Variants in LRPAP1 observed in about 807,000 individuals in gnomAD.
The protein encoded by LRPAP1 is LDL receptor related protein associated protein 1, also known as alpha-2-macroglobulin receptor-associated protein.
In LRPAP1, 41 loss-of-function variants were observed where a neutral mutation model predicts 39.9. The ratio of observed to expected loss-of-function variants is 1.03; its 90% CI spans 0.80 to 1.33. The LOEUF is 1.33. LRPAP1 is among the 40% of genes most tolerant of loss of function. LRPAP1 has a pLI of 0.00. For synonymous variants in LRPAP1, 263 were observed against 212.7 expected (o/e 1.24, Z -2.06); for missense variants, 565 against 482.3 (o/e 1.17, Z -1.61).
intron 1 of LRPAP1, among the ~76,000 whole-genome samples, chr4:3,526,869 C>T (rs951642982): frequency 2.0e-5 from 3 of 152,188 alleles, no homozygotes; most frequent in African/African-American, 7.2e-5. Flanking sequence ...AGAAGCCCAG[C>T]CTGACTCTGT....
chr4:3,512,854 C>T lies in LRPAP1; in HGVS notation c.*120G>A, dbSNP rs1477951159. 1.3e-6 allele frequency: 1 copy of T among 786,224 alleles called. No individual in the cohort carries two copies. 48.7% of individuals were successfully genotyped at this position (786,224 alleles called of 1,614,324 possible). A position where few individuals can be genotyped will look rare whatever the true frequency, so the allele number is the denominator to read the frequency against. ...AGTCACCAGAAACAATCCTTCCTGC[C>T]TCGACACCCGTGCCAGCCCCAGCCA... On this transcript the variant is annotated 3_prime_UTR_variant, in exon 8 of 8. Coordinates refer to ENST00000650182, the MANE Select transcript of LRPAP1 (RefSeq NM_002337.4).
rs760667592 is a variant in LRPAP1 at position 3,532,237 on chromosome 4, A to G, written c.176T>C (p.Leu59Ser). The change falls in exon 1 of 8, where the codon TTG becomes TCG. Residue 59 changes from leucine to serine, a missense_variant. Physicochemically the swap from Leu to Ser is moderately radical, Grantham distance 145. Transcript: ENST00000650182. The part of the protein sequence containing the change: ...ESGEEFRMEK[L>S]NQLWEKAQRL... ...CTGGGCCTTCTCCCACAGCTGGTTC[A>G]ACTTCTCCATGCGGAACTCCTCTCC... 4.5e-6 allele frequency: 7 copies of G among 1,550,996 alleles called. No individual in the cohort carries two copies. The South Asian group carries it at 8.3e-5, about 18-fold the overall frequency.
chr4:3,512,741 G>C lies in LRPAP1; in HGVS notation c.*233C>G. ...GTGACTGCCACGCTGATGCTGAGTGGAAGCCAAGCCCCTTCAGTCAGAGCT... is the reference window on the plus strand; with the variant it reads ...GTGACTGCCACGCTGATGCTGAGTGCAAGCCAAGCCCCTTCAGTCAGAGCT... On this transcript the variant is annotated 3_prime_UTR_variant, in exon 8 of 8. Coordinates refer to ENST00000650182, the MANE Select transcript of LRPAP1 (RefSeq NM_002337.4). 1 of 543,058 alleles carries C rather than the reference G, an allele frequency of 1.8e-6. No homozygotes were observed. The highest frequency in any genetic ancestry group is 3.3e-6 in the Non-Finnish European group (1 of 305,006). The allele number at this position is 543,058 out of a possible 1,614,324, so 33.6% of individuals were successfully genotyped here. A position where few individuals can be genotyped will look rare whatever the true frequency, so the allele number is the denominator to read the frequency against.
rs1794439 is a variant in LRPAP1, at chr4:3,509,714, T to C, written c.*3260A>G. 24 of 17,584 alleles carry C rather than the reference T, an allele frequency of 1.4e-3. No homozygotes were observed. The highest frequency in any genetic ancestry group is 5.2e-3 in the Admixed American group (6 of 1,144). 1.1% of individuals were successfully genotyped at this position (17,584 alleles called of 1,614,324 possible). On this transcript the variant is annotated 3_prime_UTR_variant, in exon 8 of 8. Transcript: ENST00000650182. Reference sequence around the variant, plus strand: ...CACACGGCAGTCAACGCGTGGACACTGGAGACTGCTGAGACGCCGACTGGA... The same window carrying C: ...CACACGGCAGTCAACGCGTGGACACCGGAGACTGCTGAGACGCCGACTGGA...
At chr4:3,528,170 G>A (rs1474189981) in intron 1 of LRPAP1, among the ~76,000 whole-genome samples, 4 of 152,298 alleles carry the variant, frequency 2.6e-5, no homozygotes, top group East Asian at 1.9e-4. Flanking sequence ...AAATGTTAAC[G>A]CATCAAGTTA....
intron 3 of LRPAP1, 119 bp from the exon 4 acceptor site, chr4:3,519,110 G>C: frequency 6.7e-7 from 1 of 1,483,892 alleles, no homozygotes; most frequent in Non-Finnish European, 9.0e-7. Context: ...GCCAGGCCAG[G>C]TTCTTGGCCT....
chr4:3,522,187 G>A (rs746433882), intron 2 of LRPAP1, among the ~76,000 whole-genome samples: 142 of 152,274 alleles, frequency 9.3e-4, no homozygotes, highest in Middle Eastern at 3.4e-3. Flanking sequence ...CCCCCAGGCC[G>A]TGCACCCCTG....
At position 3,518,916 on chromosome 4, in the gene LRPAP1, C is replaced by T. The variant is rs1560256283; in HGVS notation, c.547G>A (p.Val183Ile). The change falls in exon 4 of 8, where the codon GTT (valine) becomes ATT (isoleucine). Residue 183 changes from valine to isoleucine, a missense_variant. Physicochemically the swap from Val to Ile is conservative, Grantham distance 29 (BLOSUM62 3). Coordinates refer to ENST00000650182, the MANE Select transcript of LRPAP1 (RefSeq NM_002337.4). The part of the protein sequence containing the change: ...WREFLHHKEK[V>I]HEYNVLLETL... ...TCCAGCAGGACGTTGTACTCGTGAA[C>T]TTTCTCTTTGTGATGCAGGAACTCC... 2 of 1,613,856 alleles carry T rather than the reference C, an allele frequency of 1.2e-6. No individual in the cohort carries two copies. The highest frequency in any genetic ancestry group is 2.2e-5 in the East Asian group (1 of 44,868).
Position 3,517,889 on chromosome 4 carries a change from C to T in LRPAP1, c.751+145G>A, listed in dbSNP as rs928539373. 7.0e-6 allele frequency: 7 copies of T among 1,006,020 alleles called. No individual in the cohort carries two copies. The African/African-American group carries it at 1.1e-4, about 16-fold the overall frequency. The allele number at this position is 1,006,020 out of a possible 1,614,324, so 62.3% of individuals were successfully genotyped here. On this transcript the variant is annotated intron_variant, in intron 5 of 7. Transcript: ENST00000650182. ...CCTGGGAGCGAGGCCTGTGACCACC[C>T]GTGGGTAGACTGAGCGCGCCGAGGG...
Position 3,506,232 on chromosome 4 carries a change from A to G in LRPAP1, c.*6742T>C, listed in dbSNP as rs1043123877. On this transcript the variant is annotated 3_prime_UTR_variant, in exon 8 of 8. Coordinates refer to ENST00000650182, the MANE Select transcript of LRPAP1 (RefSeq NM_002337.4). Reference sequence around the variant, plus strand: ...CAGATGCTGCCACCACTCCTGGTTAATTTTTGTATTTTTAGTAGAGATGGG... The same window carrying G: ...CAGATGCTGCCACCACTCCTGGTTAGTTTTTGTATTTTTAGTAGAGATGGG... 2 of 151,830 alleles carry G rather than the reference A, an allele frequency of 1.3e-5. No individual in the cohort carries two copies. The highest frequency in any genetic ancestry group is 4.8e-5 in the African/African-American group (2 of 41,296). 9.4% of individuals were successfully genotyped at this position (151,830 alleles called of 1,614,324 possible).
At position 3,506,068 on chromosome 4, in the gene LRPAP1, G is replaced by C. The variant is rs1470573469; in HGVS notation, c.*6906C>G. On this transcript the variant is annotated 3_prime_UTR_variant, in exon 8 of 8. Coordinates refer to ENST00000650182, the MANE Select transcript of LRPAP1 (RefSeq NM_002337.4). ...TATTGAGATATTTTTAAATTTTCAA[G>C]CTTTTTTTTTTTGAGACAGAGTCTT... 1.3e-5 allele frequency among the ~76,000 whole-genome samples: 2 copies of C among 151,928 alleles called. No homozygotes were observed. Among genetic ancestry groups the C allele is most frequent in the Admixed American group, 6.6e-5 (1 of 15,256 alleles).
chr4:3,532,069 T>A lies in LRPAP1; in HGVS notation c.204+140A>T, dbSNP rs569799928. ...GCCCCACCTGACACTTGGGGGAGGC[T>A]GTGCCAAGGACAGGGCGCGTAGGGC... On this transcript the variant is annotated intron_variant, in intron 1 of 7. Transcript: ENST00000650182. The A allele has an allele frequency of 1.7e-4, 161 of 925,296 alleles. 2 individuals carry two copies. The highest frequency in any genetic ancestry group is 1.6e-3 in the South Asian group (94 of 57,362). 57.3% of individuals were successfully genotyped at this position (925,296 alleles called of 1,614,324 possible). A position where few individuals can be genotyped will look rare whatever the true frequency, so the allele number is the denominator to read the frequency against.
chr4:3,526,152 G>T (rs1340444280), intron 1 of LRPAP1, among the ~76,000 whole-genome samples: 4 of 152,220 alleles, frequency 2.6e-5, no homozygotes, highest in African/African-American at 9.6e-5. Flanking sequence ...AGCCTCTGTG[G>T]AGTCCTGCAG....
intron 1 of LRPAP1, among the ~76,000 whole-genome samples, chr4:3,530,067 C>T (rs1291434063): frequency 2.0e-5 from 3 of 152,162 alleles, no homozygotes; most frequent in Non-Finnish European, 4.4e-5. Context: ...CCTAGAGCGG[C>T]GAGTCAGGTG....
rs1392104876 is a variant in LRPAP1, at chr4:3,532,379, C to G, written c.34G>C (p.Gly12Arg). The G allele has an allele frequency of 1.9e-6, 3 of 1,590,982 alleles. No individual in the cohort carries two copies. The highest frequency in any genetic ancestry group is 2.6e-6 in the Non-Finnish European group (3 of 1,169,474). Reference protein sequence around the residue: ...APRRVRSFLRGLPALLLLLLF... With the variant: ...APRRVRSFLRRLPALLLLLLF... ...AGCAGCAGTAGCAGCGCCGGGAGCCCGCGCAGAAACGACCTGACCCTCCGC... is the reference window on the plus strand; with the variant it reads ...AGCAGCAGTAGCAGCGCCGGGAGCCGGCGCAGAAACGACCTGACCCTCCGC... The change falls in exon 1 of 8, where the codon GGG becomes CGG. Residue 12 changes from glycine (G) to arginine (R), a missense_variant. Physicochemically the swap from Gly to Arg is moderately radical, Grantham distance 125. Transcript: ENST00000650182.
In LRPAP1 at chr4:3,514,846, C is replaced by G; in HGVS notation, c.917G>C (p.Arg306Thr). The change falls in exon 7 of 8, where the codon AGG becomes ACG. Residue 306 changes from arginine to threonine, a missense_variant. Coordinates refer to ENST00000650182, the MANE Select transcript of LRPAP1 (RefSeq NM_002337.4). ...KQLEIAHEKL[R>T]HAESVGDGER... Reference sequence around the variant, plus strand: ...GCCGTCGCCCACGCTCTCTGCGTGCCTCAGCTTCTCGTGCGCAATCTCCAG... The same window carrying G: ...GCCGTCGCCCACGCTCTCTGCGTGCGTCAGCTTCTCGTGCGCAATCTCCAG... 1 of 1,613,824 alleles carries G rather than the reference C, an allele frequency of 6.2e-7. No individual in the cohort carries two copies. The highest frequency in any genetic ancestry group is 1.1e-5 in the South Asian group (1 of 91,092).
At chr4:3,525,575 C>T (rs530690274) in intron 1 of LRPAP1, among the ~76,000 whole-genome samples, 4 of 152,288 alleles carry the variant, frequency 2.6e-5, no homozygotes, top group African/African-American at 7.2e-5. Flanking sequence ...TCTTACACAG[C>T]CCCAGATCCT....
chr4:3,524,421 C>T (rs1730014575), intron 2 of LRPAP1, among the ~76,000 whole-genome samples: 1 of 152,248 alleles, frequency 6.6e-6, no homozygotes, highest in African/African-American at 2.4e-5. Context: ...CTGCTTCCTC[C>T]TCTGGGTGAC....
rs1426657525 is a variant in LRPAP1, at chr4:3,508,887, C to T, written c.*4087G>A. The T allele has an allele frequency of 1.3e-5, 2 of 151,828 alleles. No individual in the cohort carries two copies. Among genetic ancestry groups the T allele is most frequent in the South Asian group, 4.2e-4 (2 of 4,780 alleles). 9.4% of individuals were successfully genotyped at this position (151,828 alleles called of 1,614,324 possible). A position where few individuals can be genotyped will look rare whatever the true frequency, so the allele number is the denominator to read the frequency against. On this transcript the variant is annotated 3_prime_UTR_variant, in exon 8 of 8. Coordinates refer to ENST00000650182, the MANE Select transcript of LRPAP1 (RefSeq NM_002337.4). ...AAGATTAGCGAGCGCCGGCTCACCTCACCAGTGCAGTGAGAAGCCGAGGCA... is the reference window on the plus strand; with the variant it reads ...AAGATTAGCGAGCGCCGGCTCACCTTACCAGTGCAGTGAGAAGCCGAGGCA...
Sources: gnomAD v4.1 joint callset for allele counts (sites outside exome capture counted in the v4.1 genomes callset) on GRCh38, gnomAD v4.1.1 for gene constraint, MANE v1.5 for transcripts, NCBI Gene and HGNC (gene_info 2026-07-23, HGNC 2026-07-21) for gene names.